KAT14: variants seen among roughly 807,000 people sequenced by gnomAD.
KAT14 encodes the protein lysine acetyltransferase 14.
Under a neutral mutation model 78.4 loss-of-function variants are expected in KAT14, and 66 were observed. The ratio of observed to expected loss-of-function variants is 0.84; its 90% confidence interval spans 0.69 to 1.03. The LOEUF is 1.03. KAT14 is among the 50% of genes least tolerant of loss of function. The probability of loss-of-function intolerance (pLI) is 0.00; values close to 1 mark genes in which losing one functional copy is unlikely to be tolerated. For synonymous variants in KAT14, 344 were observed against 359.4 expected, an observed-to-expected ratio of 0.96 and a Z score of 0.48; for missense variants, 870 against 972.5, an observed-to-expected ratio of 0.89 and a Z score of 1.40.
intron 5 of KAT14, among the ~76,000 whole-genome samples, chr20:18,161,366 T>C (rs1486110746): frequency 3.3e-5 from 5 of 152,140 alleles, no homozygotes; most frequent in African/African-American, 1.2e-4. Context: ...AAACTTTTAA[T>C]GTTTGCCAGT....
Position 18,161,880 on chromosome 20 carries a change from G to T in KAT14, c.740G>T (p.Ser247Ile). The T allele has an allele frequency of 6.2e-7, 1 of 1,614,212 alleles. No homozygotes were observed. The highest frequency in any genetic ancestry group is 8.5e-7 in the Non-Finnish European group (1 of 1,180,046). The change falls in exon 6 of 11, where the codon AGT (serine) becomes ATT (isoleucine). Residue 247 changes from serine to isoleucine, a missense_variant. Physicochemically the swap from Ser to Ile is moderately radical, Grantham distance 142 (BLOSUM62 -2). Coordinates refer to ENST00000688188, the MANE Select transcript of KAT14 (RefSeq NM_001392073.1). Reference sequence around the variant, plus strand: ...GTTGAGGGACTTAGAAAACGAGCAAGTCGGAATCCTGTGGAATCTGCCATG... The same window carrying T: ...GTTGAGGGACTTAGAAAACGAGCAATTCGGAATCCTGTGGAATCTGCCATG... ...ITVEGLRKRASRNPVESAMEL... is the reference protein window; with the variant it reads ...ITVEGLRKRAIRNPVESAMEL...
chr20:18,143,935 C>A lies in KAT14; in HGVS notation c.259+1016C>A, dbSNP rs570723144. Among the ~76,000 whole-genome samples, 263 of 152,278 alleles carry A rather than the reference C, an allele frequency of 1.7e-3. 1 individual carries two copies. Among genetic ancestry groups the A allele is most frequent in the Non-Finnish European group, 3.2e-3 (215 of 68,020 alleles). ...ATGTGCTACTGTGCTCGGCCCTGAT[C>A]TTGAGATTTTCAATGGCCAGCTTCC... On this transcript the variant is annotated intron_variant, in intron 2 of 10. Transcript: ENST00000688188.
At position 18,174,727 on chromosome 20, in the gene KAT14, G is replaced by A. The variant is rs145522623; in HGVS notation, c.1669-6983G>A. ...CGCCCAGGCTGGAGTATAGTGATGC[G>A]ATCTCGGCTCACTGCAACCTCTGCC... On this transcript the variant is annotated intron_variant, in intron 7 of 10. Coordinates refer to ENST00000688188, the MANE Select transcript of KAT14 (RefSeq NM_001392073.1). 9.8e-3 allele frequency among the ~76,000 whole-genome samples: 1,474 copies of A among 149,870 alleles called. 15 individuals carry two copies. The highest frequency in any genetic ancestry group is 0.021 in the Middle Eastern group (6 of 288).
At chr20:18,137,727 G>T (rs2037344723), upstream of KAT14, 1 of 427,810 alleles carries the variant, frequency 2.3e-6, no homozygotes. Flanking sequence ...TGTCGCCTGC[G>T]GGGTGTGCAG....
chr20:18,167,707 CTA>C (rs2038690312), intron 7 of KAT14, among the ~76,000 whole-genome samples: 1 of 151,862 alleles, frequency 6.6e-6, no homozygotes, highest in Non-Finnish European at 1.5e-5. Flanking sequence ...GAATTTTAAG[CTA>C]TGTTTTGGTA....
At chr20:18,159,030 T>C in intron 4 of KAT14, 54 bp from the exon 5 acceptor site, 1 of 1,551,808 alleles carries the variant, frequency 6.4e-7, no homozygotes, top group Non-Finnish European at 8.7e-7. Context: ...CAGACTGTCT[T>C]TTCTGTATAA....
rs1379447250 is a variant in KAT14, at chr20:18,162,090, C to G, written c.950C>G (p.Ser317Cys). 6.2e-7 allele frequency: 1 copy of G among 1,614,228 alleles called. No homozygotes were observed. Among genetic ancestry groups the G allele is most frequent in the East Asian group, 2.2e-5 (1 of 44,874 alleles). The change falls in exon 6 of 11, where the codon TCT becomes TGT. Residue 317 changes from serine to cysteine, a missense_variant. Physicochemically the swap from Ser to Cys is moderately radical, Grantham distance 112 (BLOSUM62 -1). Coordinates refer to ENST00000688188, the MANE Select transcript of KAT14 (RefSeq NM_001392073.1). ...ATTGACTTTTCCTCCTTGAGCTCCT[C>G]TGACCGCACCCCGCTGACAAGCCCA... ...EVIDFSSLSS[S>C]DRTPLTSPSP...
Position 18,143,748 on chromosome 20 carries a change from C to T in KAT14, c.259+829C>T, listed in dbSNP as rs34242436. Among the ~76,000 whole-genome samples, 981 of 152,150 alleles carry T rather than the reference C, an allele frequency of 6.4e-3. 8 individuals are homozygous for T. The highest frequency in any genetic ancestry group is 9.7e-3 in the Non-Finnish European group (657 of 67,988). Reference sequence around the variant, plus strand: ...GTTCAAGTGATTCTCCTGCCTCGGCCTCCCGAGTAGCTGGGATTACAGGCA... The same window carrying T: ...GTTCAAGTGATTCTCCTGCCTCGGCTTCCCGAGTAGCTGGGATTACAGGCA... On this transcript the variant is annotated intron_variant, in intron 2 of 10. Transcript: ENST00000688188.
chr20:18,178,731 C>T (rs1600239057), intron 7 of KAT14, among the ~76,000 whole-genome samples: 1 of 147,802 alleles, frequency 6.8e-6, no homozygotes, highest in South Asian at 2.2e-4. Context: ...AGTGGAGACA[C>T]AGAGCCAAAC....
intron 3 of KAT14, among the ~76,000 whole-genome samples, chr20:18,147,240 C>T (rs2051839818): frequency 6.6e-6 from 1 of 152,064 alleles, no homozygotes; most frequent in African/African-American, 2.4e-5. Context: ...CTTTGACTTG[C>T]CTGAAAAAAA....
rs763638998 is a variant in KAT14 at position 18,161,987 on chromosome 20, A to G, written c.847A>G (p.Arg283Gly). The change falls in exon 6 of 11, where the codon AGG becomes GGG. Residue 283 changes from arginine to glycine, a missense_variant. Physicochemically the swap from Arg to Gly is moderately radical, Grantham distance 125 (BLOSUM62 -2). Coordinates refer to ENST00000688188, the MANE Select transcript of KAT14 (RefSeq NM_001392073.1). ...GAAGGAGGCCGCTGGCTTTCTTGAC[A>G]GGAGCACATCTTCTACCCCTGTAAA... Reference protein sequence around the residue: ...AQKEAAGFLDRSTSSTPVKFI... With the variant: ...AQKEAAGFLDGSTSSTPVKFI... The G allele has an allele frequency of 6.2e-7, 1 of 1,614,280 alleles. No homozygotes were observed. Among genetic ancestry groups the G allele is most frequent in the South Asian group, 1.1e-5 (1 of 91,092 alleles).
Position 18,187,516 on chromosome 20 carries a change from G to A in KAT14, c.*57G>A. 6.2e-7 allele frequency: 1 copy of A among 1,603,184 alleles called. No individual in the cohort carries two copies. The highest frequency in any genetic ancestry group is 1.1e-5 in the South Asian group (1 of 88,494). ...CTATTGGAGAACAGGTCTTTGTGGA[G>A]ATCTAAAGGCAGTGATTGATTTCAC... On this transcript the variant is annotated 3_prime_UTR_variant, in exon 11 of 11. Transcript: ENST00000688188.
intron 7 of KAT14, among the ~76,000 whole-genome samples, chr20:18,175,344 A>G (rs891411499): frequency 3.3e-5 from 5 of 152,096 alleles, no homozygotes; most frequent in Non-Finnish European, 5.9e-5. Context: ...CTTCCAGCCA[A>G]TACGTGGCTG....
chr20:18,148,998 T>A (rs1342798457), intron 3 of KAT14, among the ~76,000 whole-genome samples: 1 of 152,132 alleles, frequency 6.6e-6, no homozygotes, highest in Non-Finnish European at 1.5e-5. Flanking sequence ...TAGTAAAGAT[T>A]AAGTGATAAT....
chr20:18,142,158 GGGGACCACCTGTTC>G (rs1258310188), intron 1 of KAT14, 36 bp from the exon 2 acceptor site: 1 of 1,510,756 alleles, frequency 6.6e-7, no homozygotes, highest in Non-Finnish European at 8.8e-7. Flanking sequence ...GCACAAGGAT[GGGGACCACCTGTTC>G]GGGATGTTAC....
At position 18,138,023 on chromosome 20, in the gene KAT14, T is replaced by C; in HGVS notation, c.-482T>C. 6.7e-7 allele frequency: 1 copy of C among 1,494,826 alleles called. No homozygotes were observed. 92.6% of individuals were successfully genotyped at this position (1,494,826 alleles called of 1,614,324 possible). A position where few individuals can be genotyped will look rare whatever the true frequency, so the allele number is the denominator to read the frequency against. Reference sequence around the variant, plus strand: ...CTGACGGCGGCCACAGTGGCCGGCGTACATGTGAAGCAGCAGTGGGACCAG... The same window carrying C: ...CTGACGGCGGCCACAGTGGCCGGCGCACATGTGAAGCAGCAGTGGGACCAG... On this transcript the variant is annotated 5_prime_UTR_variant, in exon 1 of 11. Transcript: ENST00000688188.
intron 7 of KAT14, among the ~76,000 whole-genome samples, chr20:18,167,477 G>A (rs190354442): frequency 6.6e-6 from 1 of 152,336 alleles, no homozygotes; most frequent in Admixed American, 6.5e-5. Context: ...GGGAGTGGCT[G>A]TAAATGCATT....
intron 3 of KAT14, among the ~76,000 whole-genome samples, chr20:18,147,622 T>C (rs2037874462): frequency 6.6e-6 from 1 of 152,232 alleles, no homozygotes; most frequent in African/African-American, 2.4e-5. Context: ...TCTCACTCTG[T>C]TGCTCAGGCT....
chr20:18,157,919 G>A (rs985886138), intron 4 of KAT14, among the ~76,000 whole-genome samples: 1 of 152,148 alleles, frequency 6.6e-6, no homozygotes, highest in Non-Finnish European at 1.5e-5. Context: ...AAAGCTTGGG[G>A]GTTTCATTCT....
Sources: allele counts gnomAD v4.1 joint callset (sites outside exome capture counted in the v4.1 genomes callset), GRCh38; gene constraint gnomAD v4.1.1; transcripts MANE v1.5; gene names NCBI Gene and HGNC (gene_info 2026-07-23, HGNC 2026-07-21).